The following KCNMB2 variants were observed in gnomAD, a reference collection of about 807,000 sequenced individuals.
The protein encoded by KCNMB2 is calcium-activated potassium channel subunit beta-2.
A neutral mutation model predicts 24.5 loss-of-function variants in KCNMB2; 9 were observed. The observed-to-expected ratio is 0.37, with a 90% CI of 0.22 to 0.64. The LOEUF is 0.64. KCNMB2 is among the 30% of genes least tolerant of loss of function. The probability of loss-of-function intolerance (pLI) is 0.63; values close to 1 mark genes in which losing one functional copy is unlikely to be tolerated. For synonymous variants in KCNMB2, 109 were observed against 104.4 expected (o/e 1.04, Z -0.27); for missense variants, 226 against 284.3 (o/e 0.79, Z 1.47).
At chr3:178,640,296 G>T (rs1291336927) in intron 1 of KCNMB2, among the ~76,000 whole-genome samples, 1 of 152,144 alleles carries the variant, frequency 6.6e-6, no homozygotes, top group Non-Finnish European at 1.5e-5. Flanking sequence ...AAGCATGGCT[G>T]GGAGGCCTCA....
chr3:178,803,627 A>C (rs758279129), intron 1 of KCNMB2, among the ~76,000 whole-genome samples: 8 of 152,222 alleles, frequency 5.3e-5, no homozygotes, highest in Non-Finnish European at 1.2e-4. Context: ...CTTATAACCT[A>C]GCATGGGAGG....
At chr3:178,701,328 G>A (rs1007030987) in intron 1 of KCNMB2, among the ~76,000 whole-genome samples, 1 of 152,072 alleles carries the variant, frequency 6.6e-6, no homozygotes, top group South Asian at 2.1e-4. Flanking sequence ...CTCTGTTTTG[G>A]TACCAGTACC....
chr3:178,812,549 C>T (rs1714237536), intron 2 of KCNMB2, among the ~76,000 whole-genome samples: 1 of 151,962 alleles, frequency 6.6e-6, no homozygotes, highest in Admixed American at 6.6e-5. Flanking sequence ...TCCCGTCCTA[C>T]TCCAGTTTCA....
In KCNMB2 at chr3:178,574,616, C is replaced by T. The variant is rs192762101; in HGVS notation, c.-68+37905C>T. 7.2e-5 allele frequency among the ~76,000 whole-genome samples: 11 copies of T among 152,292 alleles called. No homozygotes were observed. In the East Asian group the frequency reaches 9.6e-4, roughly 13 times the overall value. The stretch of plus-strand genomic sequence containing the variant: ...AGACATCCCTGTCTAACTTAAGGAT[C>T]GGCTGCCCTTGAGTCGAGTGCCCAG... On this transcript the variant is annotated intron_variant, in intron 1 of 4. Transcript: ENST00000452583.
intron 1 of KCNMB2, among the ~76,000 whole-genome samples, chr3:178,702,539 T>G (rs1172360211): frequency 6.6e-6 from 1 of 152,102 alleles, no homozygotes; most frequent in Non-Finnish European, 1.5e-5. Flanking sequence ...CTGAGCTGTA[T>G]TACAAGAGCC....
intron 1 of KCNMB2, among the ~76,000 whole-genome samples, chr3:178,682,314 C>T (rs1013439214): frequency 1.3e-5 from 2 of 152,182 alleles, no homozygotes; most frequent in Non-Finnish European, 2.9e-5. Flanking sequence ...CACATAGTCA[C>T]TACACAATAA....
At chr3:178,634,543 C>T (rs1719443717) in intron 1 of KCNMB2, among the ~76,000 whole-genome samples, 1 of 152,064 alleles carries the variant, frequency 6.6e-6, no homozygotes, top group Non-Finnish European at 1.5e-5. Flanking sequence ...ATGAGAACAG[C>T]ATGGAGGTAA....
intron 1 of KCNMB2, among the ~76,000 whole-genome samples, chr3:178,576,512 AG>A (rs777343141): frequency 1.4e-4 from 21 of 152,138 alleles, no homozygotes; most frequent in Non-Finnish European, 2.6e-4. Context: ...TCTCCTGGAA[AG>A]GGGGCTGAAG....
At chr3:178,626,857 T>C (rs1719138042) in intron 1 of KCNMB2, among the ~76,000 whole-genome samples, 1 of 149,328 alleles carries the variant, frequency 6.7e-6, no homozygotes, top group Admixed American at 6.7e-5. Context: ...ATATAACTTA[T>C]ATAGAGAGAA....
At chr3:178,613,974 T>C (rs549431281) in intron 1 of KCNMB2, among the ~76,000 whole-genome samples, 1 of 151,850 alleles carries the variant, frequency 6.6e-6, no homozygotes, top group South Asian at 2.1e-4. Flanking sequence ...CTTGATCCTG[T>C]AGGTGTGCTT....
intron 1 of KCNMB2, among the ~76,000 whole-genome samples, chr3:178,769,614 C>T (rs888992338): frequency 2.6e-5 from 4 of 152,136 alleles, no homozygotes; most frequent in East Asian, 1.9e-4. Context: ...TACTTGATTT[C>T]GTAAAAATGT....
At chr3:178,780,429 G>T (rs2108430779) in intron 1 of KCNMB2, among the ~76,000 whole-genome samples, 1 of 152,338 alleles carries the variant, frequency 6.6e-6, no homozygotes, top group Admixed American at 6.5e-5. Context: ...GGGATGCAAG[G>T]AGGGATTGAA....
intron 1 of KCNMB2, among the ~76,000 whole-genome samples, chr3:178,611,320 T>C (rs754520120): frequency 2.0e-5 from 3 of 152,306 alleles, no homozygotes; most frequent in Admixed American, 6.5e-5. Context: ...TAATACCTTC[T>C]TTTGTATTTC....
chr3:178,611,595 T>G (rs539687276), intron 1 of KCNMB2, among the ~76,000 whole-genome samples: 1 of 151,880 alleles, frequency 6.6e-6, no homozygotes, highest in African/African-American at 2.4e-5. Context: ...GTCCCAGCTA[T>G]TCGGGAGGCT....
intron 1 of KCNMB2, among the ~76,000 whole-genome samples, chr3:178,782,002 C>G: frequency 8.2e-6 from 1 of 122,418 alleles, no homozygotes; most frequent in East Asian, 2.3e-4. Flanking sequence ...CATGTGATCT[C>G]ATTGTTCAAT....
chr3:178,747,640 A>G (rs1271050049), intron 1 of KCNMB2, among the ~76,000 whole-genome samples: 1 of 152,182 alleles, frequency 6.6e-6, no homozygotes, highest in Admixed American at 6.5e-5. Flanking sequence ...TCCAAAACCT[A>G]TGGTCTCAAT....
intron 1 of KCNMB2, among the ~76,000 whole-genome samples, chr3:178,647,439 G>A (rs1040617675): frequency 3.3e-5 from 5 of 152,034 alleles, no homozygotes; most frequent in African/African-American, 4.8e-5. Context: ...GTGATTACTC[G>A]CCTGTTTCCA....
rs762471121 is a variant in KCNMB2, at chr3:178,843,602, C to T, written c.*665C>T. On this transcript the variant is annotated 3_prime_UTR_variant, in exon 5 of 5. Transcript: ENST00000452583. Reference sequence around the variant, plus strand: ...CTGTGATTTATGTAGAAAATGAACACACCCCTTTTCCATTTAAGACCCTGC... The same window carrying T: ...CTGTGATTTATGTAGAAAATGAACATACCCCTTTTCCATTTAAGACCCTGC... 6 of 166,530 alleles carry T rather than the reference C, an allele frequency of 3.6e-5. No homozygotes were observed. Among genetic ancestry groups the T allele is most frequent in the Non-Finnish European group, 6.5e-5 (5 of 76,978 alleles). The allele number at this position is 166,530 out of a possible 1,614,324, so 10.3% of individuals were successfully genotyped here.
At chr3:178,768,709 G>T (rs531993140) in intron 1 of KCNMB2, among the ~76,000 whole-genome samples, 1 of 152,138 alleles carries the variant, frequency 6.6e-6, no homozygotes, top group Non-Finnish European at 1.5e-5. Flanking sequence ...TTTCTAGAGA[G>T]AGGCAACGTG....
Sources: gnomAD v4.1 joint callset for allele counts (sites outside exome capture counted in the v4.1 genomes callset) on GRCh38, gnomAD v4.1.1 for gene constraint, MANE v1.5 for transcripts, NCBI Gene and HGNC (gene_info 2026-07-23, HGNC 2026-07-21) for gene names.